HEMK2: variants seen among roughly 807,000 people sequenced by gnomAD.
HEMK2 encodes HemK methyltransferase 2, ETF1 glutamine and histone H4 lysine, also known as methyltransferase HEMK2.
At chr21:28,608,035 T>C in the HEMK2 span, among the ~76,000 whole-genome samples, 1 of 152,198 alleles carries the variant, frequency 6.6e-6, no homozygotes, top group Admixed American at 6.5e-5. Flanking sequence ...TTGACGATAT[T>C]GAGGAAATCC....
chr21:28,854,056 G>T, the HEMK2 span, among the ~76,000 whole-genome samples: 1 of 152,158 alleles, frequency 6.6e-6, no homozygotes. Flanking sequence ...CAGATTTGAG[G>T]CTCAGTATCT....
chr21:28,745,295 G>A, the HEMK2 span, among the ~76,000 whole-genome samples: 1 of 152,192 alleles, frequency 6.6e-6, no homozygotes, highest in African/African-American at 2.4e-5. Context: ...TCTGAAAATC[G>A]TTAACGATAT....
chr21:28,595,432 T>C, the HEMK2 span, among the ~76,000 whole-genome samples: 1 of 152,190 alleles, frequency 6.6e-6, no homozygotes, highest in African/African-American at 2.4e-5. Flanking sequence ...GAACATGTGA[T>C]GGTTGTCTTT....
the HEMK2 span, among the ~76,000 whole-genome samples, chr21:28,803,168 C>T: frequency 6.6e-6 from 1 of 152,174 alleles, no homozygotes. Flanking sequence ...AAAACCCAGG[C>T]AGCAGAAGTC....
the HEMK2 span, among the ~76,000 whole-genome samples, chr21:28,825,323 G>A: frequency 2.7e-3 from 404 of 152,320 alleles, 3 homozygotes; most frequent in African/African-American, 9.6e-3. Context: ...ACATTCCCAT[G>A]TAATGCTGAT....
At chr21:28,651,150 C>T in the HEMK2 span, among the ~76,000 whole-genome samples, 1 of 152,140 alleles carries the variant, frequency 6.6e-6, no homozygotes, top group Non-Finnish European at 1.5e-5. Flanking sequence ...CTAGTCAAAG[C>T]GCATAGTTTT....
the HEMK2 span, among the ~76,000 whole-genome samples, chr21:28,719,033 G>T: frequency 6.6e-6 from 1 of 151,954 alleles, no homozygotes; most frequent in African/African-American, 2.4e-5. Flanking sequence ...AACAATGGGC[G>T]CCACAGTCCA....
At chr21:28,863,498 C>T in the HEMK2 span, among the ~76,000 whole-genome samples, 38 of 126,938 alleles carry the variant, frequency 3.0e-4, 1 homozygote, top group Admixed American at 2.2e-3. Context: ...CTCTAGAGAA[C>T]GCTAATAAAC....
chr21:28,631,795 G>GT, the HEMK2 span, among the ~76,000 whole-genome samples: 1 of 102,904 alleles, frequency 9.7e-6, no homozygotes, highest in South Asian at 2.7e-4. Flanking sequence ...TCAAGACTTT[G>GT]TTAAAAAAAA....
chr21:28,710,314 G>T, the HEMK2 span, among the ~76,000 whole-genome samples: 1 of 152,092 alleles, frequency 6.6e-6, no homozygotes, highest in African/African-American at 2.4e-5. Context: ...CATCCTGTTG[G>T]GAATATGATT....
At chr21:28,737,590 G>GT in the HEMK2 span, among the ~76,000 whole-genome samples, 4 of 134,402 alleles carry the variant, frequency 3.0e-5, no homozygotes, top group African/African-American at 6.1e-5. Context: ...TCCATAGACT[G>GT]TTAAAAAAAA....
At chr21:28,626,286 G>A in the HEMK2 span, among the ~76,000 whole-genome samples, 1 of 152,170 alleles carries the variant, frequency 6.6e-6, no homozygotes, top group East Asian at 1.9e-4. Context: ...TGTTAACTAG[G>A]AACTATGAAG....
At chr21:28,682,461 A>G in the HEMK2 span, among the ~76,000 whole-genome samples, 7 of 150,850 alleles carry the variant, frequency 4.6e-5, no homozygotes, top group Non-Finnish European at 1.0e-4. Flanking sequence ...GTGGGACTGT[A>G]AACTAGTTCA....
the HEMK2 span, among the ~76,000 whole-genome samples, chr21:28,863,457 TATATATATATA>T: frequency 1.2e-5 from 1 of 83,338 alleles, no homozygotes; most frequent in Non-Finnish European, 2.5e-5. Context: ...TATATATATA[TATATATATATA>T]TACTTCATTA....
chr21:28,854,377 C>T, the HEMK2 span, among the ~76,000 whole-genome samples: 1 of 152,044 alleles, frequency 6.6e-6, no homozygotes, highest in Non-Finnish European at 1.5e-5. Context: ...TCCAGAAACC[C>T]TAAAACCAAT....
the HEMK2 span, among the ~76,000 whole-genome samples, chr21:28,868,253 T>A: frequency 6.6e-6 from 1 of 152,220 alleles, no homozygotes; most frequent in East Asian, 1.9e-4. Context: ...TGGTCATTTG[T>A]TCCGGTTTTA....
At chr21:28,607,949 T>C in the HEMK2 span, among the ~76,000 whole-genome samples, 15 of 152,218 alleles carry the variant, frequency 9.9e-5, no homozygotes, top group East Asian at 1.9e-4. Context: ...ATAATTTACA[T>C]AGTATTTTCA....
the HEMK2 span, among the ~76,000 whole-genome samples, chr21:28,762,586 G>GC: frequency 6.6e-6 from 1 of 152,116 alleles, no homozygotes; most frequent in African/African-American, 2.4e-5. Context: ...GTTTTAATGT[G>GC]CCCCACAAAA....
chr21:28,843,034 A>C, the HEMK2 span, among the ~76,000 whole-genome samples: 1 of 152,166 alleles, frequency 6.6e-6, no homozygotes, highest in South Asian at 2.1e-4. Context: ...ACTTATATTT[A>C]GACTTCCTTT....
Sources: gnomAD v4.1 joint callset for allele counts (sites outside exome capture counted in the v4.1 genomes callset) on GRCh38, gnomAD v4.1.1 for gene constraint, MANE v1.5 for transcripts, NCBI Gene and HGNC (gene_info 2026-07-23, HGNC 2026-07-21) for gene names.